Variants in NPSR1 observed in about 807,000 individuals in gnomAD.
NPSR1 encodes the protein neuropeptide S receptor 1, also known as neuropeptide S receptor.
Under a neutral mutation model 46.9 loss-of-function variants are expected in NPSR1, and 48 were observed. The ratio of observed to expected loss-of-function variants is 1.02; its 90% CI spans 0.81 to 1.30. The LOEUF (loss-of-function observed/expected upper bound fraction) is 1.30. NPSR1 is among the 50% of genes most tolerant of loss of function. The pLI is 0.00. For synonymous variants in NPSR1, 176 were observed against 168.1 expected (o/e 1.05, Z -0.36); for missense variants, 450 against 449.5 (o/e 1.00, Z -0.01).
chr7:34,860,982 G>A (rs1281864163), intron 8 of NPSR1, among the ~76,000 whole-genome samples: 1 of 151,900 alleles, frequency 6.6e-6, no homozygotes, highest in African/African-American at 2.4e-5. Context: ...ACAAAGCTGA[G>A]CTGGATGAGG....
rs1264154128 is a variant in NPSR1, at chr7:34,858,672, T to C, written c.1025+10009T>C. 2.0e-5 allele frequency among the ~76,000 whole-genome samples: 3 copies of C among 151,788 alleles called. No individual in the cohort carries two copies. The East Asian group carries it at 5.8e-4, about 29-fold the overall frequency. ...AAGGCAAGGAGGAGCAAGTCACATC[T>C]TACATGGATGGCAGCAGTCAAAGAG... On this transcript the variant is annotated intron_variant, in intron 8 of 8. Coordinates refer to the NPSR1 transcript ENST00000359791.
chr7:34,694,866 T>A (rs184974893), intron 2 of NPSR1, among the ~76,000 whole-genome samples: 14 of 152,266 alleles, frequency 9.2e-5, no homozygotes, highest in Admixed American at 8.5e-4. Flanking sequence ...CGCATCACCA[T>A]GCCCAGCTAA....
intron 2 of NPSR1, among the ~76,000 whole-genome samples, chr7:34,708,367 G>A (rs1009261783): frequency 1.3e-5 from 2 of 152,170 alleles, no homozygotes; most frequent in Non-Finnish European, 2.9e-5. Context: ...AACAAGACAT[G>A]CAATTACACT....
chr7:34,676,720 T>C (rs1484639199), intron 1 of NPSR1, among the ~76,000 whole-genome samples: 1 of 152,046 alleles, frequency 6.6e-6, no homozygotes, highest in Non-Finnish European at 1.5e-5. Context: ...TGGCATAGAG[T>C]AGGAAATTAA....
intron 2 of NPSR1, among the ~76,000 whole-genome samples, chr7:34,743,975 G>C (rs2128720313): frequency 6.6e-6 from 1 of 152,196 alleles, no homozygotes; most frequent in African/African-American, 2.4e-5. Flanking sequence ...AGAAGTATTA[G>C]TTTGTATGTT....
chr7:34,807,519 T>C (rs949528871), intron 3 of NPSR1, among the ~76,000 whole-genome samples: 3 of 152,166 alleles, frequency 2.0e-5, no homozygotes, highest in Non-Finnish European at 2.9e-5. Flanking sequence ...TGCTGTTTGC[T>C]TTGAATTTAA....
chr7:34,837,574 CT>C (rs1188438379), intron 6 of NPSR1, among the ~76,000 whole-genome samples: 2 of 152,158 alleles, frequency 1.3e-5, no homozygotes, highest in Non-Finnish European at 2.9e-5. Context: ...GTGAGTTGCA[CT>C]TTTTTTTCTA....
chr7:34,696,243 A>G (rs1421299102), intron 2 of NPSR1, among the ~76,000 whole-genome samples: 2 of 152,116 alleles, frequency 1.3e-5, no homozygotes, highest in African/African-American at 4.8e-5. Flanking sequence ...GTTCTCCTTC[A>G]TAAGGGGGAG....
chr7:34,840,141 C>A (rs1469969443), intron 6 of NPSR1, among the ~76,000 whole-genome samples: 1 of 152,196 alleles, frequency 6.6e-6, no homozygotes, highest in Admixed American at 6.5e-5. Flanking sequence ...CTAAAAACCT[C>A]CTGAAAGGGA....
At chr7:34,716,962 G>C (rs1177392868) in intron 2 of NPSR1, among the ~76,000 whole-genome samples, 1 of 152,204 alleles carries the variant, frequency 6.6e-6, no homozygotes, top group Non-Finnish European at 1.5e-5. Context: ...CCTTAGAGGT[G>C]AAGAAGCGAG....
At chr7:34,834,209 T>A in intron 5 of NPSR1, 175 bp from the exon 6 acceptor site, 1 of 601,348 alleles carries the variant, frequency 1.7e-6, no homozygotes, top group South Asian at 2.2e-5. Context: ...ATCCAGTGGA[T>A]CCTCATGGTC....
intron 8 of NPSR1, among the ~76,000 whole-genome samples, chr7:34,862,347 G>A (rs1411585740): frequency 6.6e-6 from 1 of 151,702 alleles, no homozygotes; most frequent in Non-Finnish European, 1.5e-5. Flanking sequence ...CACCCCCAGA[G>A]TCCCAGAATC....
Position 34,684,640 on chromosome 7 carries a change from A to G in NPSR1, c.236A>G (p.Lys79Arg). 6.2e-7 allele frequency: 1 copy of G among 1,613,880 alleles called. No individual in the cohort carries two copies. Among genetic ancestry groups the G allele is most frequent in the Non-Finnish European group, 8.5e-7 (1 of 1,179,878 alleles). The part of the protein sequence containing the change: ...VVLFSTWRRK[K>R]KSRMTFFVTQ... The stretch of plus-strand genomic sequence containing the variant: ...CTTTTTTCCACATGGAGGAGAAAGA[A>G]GAAGTCAAGAATGACCTTCTTTGTG... Residue 79 changes from lysine to arginine, a missense_variant, in exon 2 of 9, where the codon AAG becomes AGG. Coordinates refer to ENST00000360581, the MANE Select transcript of NPSR1 (RefSeq NM_207172.2).
intron 2 of NPSR1, among the ~76,000 whole-genome samples, chr7:34,773,568 A>C (rs172868): frequency 0.36 from 55,431 of 152,030 alleles, 10,719 homozygotes; most frequent in African/African-American, 0.51. Context: ...ACAGAGGGGA[A>C]CCAATGTAGT....
At chr7:34,827,741 A>G (rs112377922) in intron 5 of NPSR1, 139 bp downstream of exon 5, 4 of 652,284 alleles carry the variant, frequency 6.1e-6, no homozygotes, top group Non-Finnish European at 7.9e-6. Flanking sequence ...ACAAGATTTT[A>G]TGTGTAGCTA....
At chr7:34,783,405 T>C (rs1017526685) in intron 3 of NPSR1, among the ~76,000 whole-genome samples, 1 of 152,080 alleles carries the variant, frequency 6.6e-6, no homozygotes. Context: ...CTTACTATCA[T>C]GAGAATACCA....
In NPSR1 at chr7:34,700,084, G is replaced by A. The variant is rs552791105; in HGVS notation, c.280+15400G>A. 3.3e-5 allele frequency among the ~76,000 whole-genome samples: 5 copies of A among 152,270 alleles called. No homozygotes were observed. The South Asian group carries it at 6.2e-4, about 19-fold the overall frequency. On this transcript the variant is annotated intron_variant, in intron 2 of 8. Transcript: ENST00000360581. ...TGCTGGTAACTTGGGAACACAGTAA[G>A]GGAAGGAAAATAACTTTGTTGTGGA... is the stretch of plus-strand genomic sequence containing the variant.
At chr7:34,792,725 A>ATGTATATATATATTTATATATATATG (rs1174651923) in intron 3 of NPSR1, among the ~76,000 whole-genome samples, 2 of 110,802 alleles carry the variant, frequency 1.8e-5, no homozygotes, top group South Asian at 2.6e-4. Flanking sequence ...TTATATATAT[A>ATGTATATATATATTTATATATATATG]TATATATATT....
At chr7:34,697,576 T>C (rs1458530) in intron 2 of NPSR1, among the ~76,000 whole-genome samples, 18,337 of 151,932 alleles carry the variant, frequency 0.12, 1,170 homozygotes, top group Middle Eastern at 0.18. Flanking sequence ...CTGTATACTT[T>C]AAGTCATCTC....
Sources: allele counts gnomAD v4.1 joint callset (sites outside exome capture counted in the v4.1 genomes callset), GRCh38; gene constraint gnomAD v4.1.1; transcripts MANE v1.5; gene names NCBI Gene and HGNC (gene_info 2026-07-23, HGNC 2026-07-21).